The following ATP6V1D variants were observed in gnomAD, a reference collection of about 807,000 sequenced individuals.
The protein encoded by ATP6V1D is V-type proton ATPase subunit D.
ATP6V1D carries 20 observed loss-of-function variants against 39.4 expected under a neutral mutation model. The observed-to-expected ratio is 0.51, with a 90% CI of 0.36 to 0.74. ATP6V1D has a LOEUF of 0.74. Among genes scored for constraint, ATP6V1D ranks in the 30% least tolerant of loss-of-function variants. The pLI, the probability that ATP6V1D is intolerant of heterozygous loss-of-function variation, is 0.00. For synonymous variants in ATP6V1D, 100 were observed against 100.5 expected, an observed-to-expected ratio of 0.99 and a Z score of 0.03; for missense variants, 228 against 291.6, an observed-to-expected ratio of 0.78 and a Z score of 1.59.
rs774194964 is a variant in ATP6V1D, at chr14:67,338,777, TG to T, written c.603-16del. ...TTTTCTTTAACCTGTAAAATACAGG[TG>T]GGGGTGGATTTTTTAAACACTGTTT... is the stretch of plus-strand genomic sequence containing the variant. On this transcript the variant is annotated splice_polypyrimidine_tract_variant and intron_variant, in intron 8 of 8. Coordinates refer to ENST00000216442, the MANE Select transcript of ATP6V1D (RefSeq NM_015994.4). 6.3e-7 allele frequency: 1 copy of T among 1,598,978 alleles called. No individual in the cohort carries two copies. Among genetic ancestry groups the T allele is most frequent in the South Asian group, 1.1e-5 (1 of 88,726 alleles).
In ATP6V1D at chr14:67,338,703, TC is replaced by T; in HGVS notation, c.661del (p.Glu221SerfsTer49). On this transcript the variant is annotated frameshift_variant, in exon 9 of 9. Coordinates refer to ENST00000216442, the MANE Select transcript of ATP6V1D (RefSeq NM_015994.4). LOFTEE classifies it high-confidence loss of function. Reference protein sequence around the residue: ...ILKEKSEKDLEQRRAAGEVLE... With the variant: ...ILKEKSEKDLXQRRAAGEVLE... ...CACCTCTCCAGCTGCTCTCCTTTGC[TC>T]CAAGTCCTTCTCAGATTTTTCCTTT... 6.2e-7 allele frequency: 1 copy of T among 1,613,856 alleles called. No individual in the cohort carries two copies. The highest frequency in any genetic ancestry group is 8.5e-7 in the Non-Finnish European group (1 of 1,179,722).
chr14:67,348,133 G>A (rs567905198), intron 4 of ATP6V1D, among the ~76,000 whole-genome samples: 1 of 151,780 alleles, frequency 6.6e-6, no homozygotes, highest in South Asian at 2.1e-4. Context: ...GGAGTACAAT[G>A]GCGCAATCTC....
At chr14:67,347,235 G>A (rs948092372) in intron 5 of ATP6V1D, among the ~76,000 whole-genome samples, 174 bp downstream of exon 5, 24 of 152,020 alleles carry the variant, frequency 1.6e-4, no homozygotes, top group African/African-American at 5.6e-4. Flanking sequence ...CATTGTGCCC[G>A]GCCTTAAGAC....
At chr14:67,351,691 T>C (rs766337057) in intron 2 of ATP6V1D, among the ~76,000 whole-genome samples, 29 of 151,924 alleles carry the variant, frequency 1.9e-4, no homozygotes, top group Non-Finnish European at 4.4e-5. Flanking sequence ...TTCTTCTTCT[T>C]CTTCTTTTTT....
Position 67,338,560 on chromosome 14 carries a change from C to T in ATP6V1D, c.*61G>A. On this transcript the variant is annotated 3_prime_UTR_variant, in exon 9 of 9. Transcript: ENST00000216442. ...TAAATAGCCACACAAATCAAACCTA[C>T]ACACTGTGAATTAAAATGAAGCCAG... 1 of 1,560,734 alleles carries T rather than the reference C, an allele frequency of 6.4e-7. No individual in the cohort carries two copies. Among genetic ancestry groups the T allele is most frequent in the Admixed American group, 1.9e-5 (1 of 51,656 alleles).
At chr14:67,359,538 C>A in intron 1 of ATP6V1D, 120 bp downstream of exon 1, 11 of 1,156,630 alleles carry the variant, frequency 9.5e-6, no homozygotes, top group Non-Finnish European at 1.4e-5. Context: ...AGAAAAGAAC[C>A]TGGGAAAAGC....
Position 67,343,406 on chromosome 14 carries a change from C to A in ATP6V1D, c.489G>T (p.Lys163Asn). 6.2e-7 allele frequency: 1 copy of A among 1,611,882 alleles called. No individual in the cohort carries two copies. The highest frequency in any genetic ancestry group is 1.7e-4 in the Middle Eastern group (1 of 6,058). The change falls in exon 7 of 9, where the codon AAG becomes AAT. Residue 163 changes from lysine to asparagine, a missense_variant. Transcript: ENST00000216442. ...TGGCATTTACACGCCTGTTGGTTAT[C>A]TTAATAGCTTCATCCAAAGTAACAA... ...TSFVTLDEAI[K>N]ITNRRVNAIE...
intron 7 of ATP6V1D, among the ~76,000 whole-genome samples, chr14:67,341,475 C>T (rs563694745): frequency 1.3e-5 from 2 of 152,144 alleles, no homozygotes; most frequent in South Asian, 2.1e-4. Flanking sequence ...GGGGGTCAGC[C>T]CCCGGCCCGG....
At chr14:67,347,635 G>A (rs2085629044) in intron 4 of ATP6V1D, among the ~76,000 whole-genome samples, 182 bp from the exon 5 acceptor site, 1 of 151,628 alleles carries the variant, frequency 6.6e-6, no homozygotes, top group African/African-American at 2.4e-5. Flanking sequence ...TGAATAGGTG[G>A]GATTACAGGC....
At chr14:67,345,726 C>T in intron 6 of ATP6V1D, 42 bp downstream of exon 6, 1 of 1,410,066 alleles carries the variant, frequency 7.1e-7, no homozygotes, top group Non-Finnish European at 1.0e-6. Flanking sequence ...TTGACTGTTA[C>T]AAATCAAACT....
chr14:67,347,998 C>T (rs1232438592), intron 4 of ATP6V1D, among the ~76,000 whole-genome samples: 2 of 151,804 alleles, frequency 1.3e-5, no homozygotes, highest in Admixed American at 6.6e-5. Context: ...CTGCAACCAC[C>T]GCCTCCTGGG....
rs117754700 is a variant in ATP6V1D at position 67,349,212 on chromosome 14, A to G, written c.240-108T>C. 9.2e-4 allele frequency: 982 copies of G among 1,068,438 alleles called. 5 individuals carry two copies. Among genetic ancestry groups the G allele is most frequent in the Admixed American group, 3.5e-3 (142 of 40,606 alleles). 66.2% of individuals were successfully genotyped at this position (1,068,438 alleles called of 1,614,324 possible). On this transcript the variant is annotated intron_variant, in intron 3 of 8. Coordinates refer to ENST00000216442, the MANE Select transcript of ATP6V1D (RefSeq NM_015994.4). ...ATGAGACCAAGAGTGAGATGTCACA[A>G]TTAAGTATGTTTTGATAACTGTCCT...
chr14:67,341,115 G>A lies in ATP6V1D; in HGVS notation c.524-597C>T, dbSNP rs567869609. Among the ~76,000 whole-genome samples the A allele has an allele frequency of 7.9e-5, 12 of 152,336 alleles. No individual in the cohort carries two copies. The East Asian group carries it at 2.3e-3, about 29-fold the overall frequency. Reference sequence around the variant, plus strand: ...CGCCACCCGGTCTGGGAAGTGAGGAGCCTCTCTGCCTGGCCGCCCATCGTC... The same window carrying A: ...CGCCACCCGGTCTGGGAAGTGAGGAACCTCTCTGCCTGGCCGCCCATCGTC... On this transcript the variant is annotated intron_variant, in intron 7 of 8. Transcript: ENST00000216442.
chr14:67,338,465 C>A lies in ATP6V1D; in HGVS notation c.*156G>T, dbSNP rs1247560702. On this transcript the variant is annotated 3_prime_UTR_variant, in exon 9 of 9. Coordinates refer to ENST00000216442, the MANE Select transcript of ATP6V1D (RefSeq NM_015994.4). The stretch of plus-strand genomic sequence containing the variant: ...GATAAATGGTTGCTAAATTATGATT[C>A]TGCAAAAGTAATCCCATAAATAGAC... The A allele has an allele frequency of 1.3e-6, 1 of 782,630 alleles. No individual in the cohort carries two copies. The highest frequency in any genetic ancestry group is 2.0e-6 in the Non-Finnish European group (1 of 505,198). 48.5% of individuals were successfully genotyped at this position (782,630 alleles called of 1,614,324 possible).
intron 7 of ATP6V1D, 118 bp from the exon 8 acceptor site, chr14:67,340,636 G>T: frequency 2.4e-6 from 2 of 828,926 alleles, no homozygotes; most frequent in Non-Finnish European, 3.8e-6. Context: ...TGCATTTAAT[G>T]CAGAGAACTT....
In ATP6V1D at chr14:67,355,449, CAAAAAAAAAAAAAAA is replaced by C. The variant is rs564931669; in HGVS notation, c.42-2424_42-2410del. Among the ~76,000 whole-genome samples the C allele has an allele frequency of 3.1e-3, 58 of 18,958 alleles. 1 individual carries two copies. Among genetic ancestry groups the C allele is most frequent in the African/African-American group, 6.8e-3 (45 of 6,632 alleles). The allele number at this position is 18,958 out of a possible 152,430, so 12.4% of individuals were successfully genotyped here. A position where few individuals can be genotyped will look rare whatever the true frequency, so the allele number is the denominator to read the frequency against. ...AGGATGTAGAAGTAAGACCCTGTCT[CAAAAAAAAAAAAAAA>C]AAAAAAAAAAAAAAAAGACTAGAAA... On this transcript the variant is annotated intron_variant, in intron 1 of 8. Coordinates refer to ENST00000216442, the MANE Select transcript of ATP6V1D (RefSeq NM_015994.4).
chr14:67,347,309 A>T, intron 5 of ATP6V1D, 100 bp downstream of exon 5: 2 of 919,048 alleles, frequency 2.2e-6, no homozygotes, highest in Non-Finnish European at 1.7e-6. Flanking sequence ...TAACTCAGGA[A>T]CCTCTCAACA....
At chr14:67,338,880 T>A in intron 8 of ATP6V1D, 118 bp from the exon 9 acceptor site, 1 of 764,802 alleles carries the variant, frequency 1.3e-6, no homozygotes, top group Non-Finnish European at 1.9e-6. Flanking sequence ...AACCTGGTAC[T>A]TTTATTAATT....
chr14:67,341,546 C>T (rs1447360355), intron 7 of ATP6V1D, among the ~76,000 whole-genome samples: 60 of 151,044 alleles, frequency 4.0e-4, no homozygotes, highest in African/African-American at 1.2e-3. Context: ...CCAGCCGCCC[C>T]GTCCGGGAGG....
Sources: allele counts gnomAD v4.1 joint callset (sites outside exome capture counted in the v4.1 genomes callset), GRCh38; gene constraint gnomAD v4.1.1; transcripts MANE v1.5; gene names NCBI Gene and HGNC (gene_info 2026-07-23, HGNC 2026-07-21).